ABCD2: variants seen among roughly 807,000 people sequenced by gnomAD.
The protein encoded by ABCD2 is ATP binding cassette subfamily D member 2.
Under a neutral mutation model 70.9 loss-of-function variants are expected in ABCD2, and 36 were observed. The observed-to-expected ratio is 0.51, with a 90% confidence interval of 0.39 to 0.67. The LOEUF is 0.67. Among genes scored for constraint, ABCD2 ranks in the 30% least tolerant of loss-of-function variants. The probability of loss-of-function intolerance (pLI) is 0.00; values close to 1 mark genes in which losing one functional copy is unlikely to be tolerated. For synonymous variants in ABCD2, 304 were observed against 306.9 expected (o/e 0.99, Z 0.10); for missense variants, 729 against 890.2 (o/e 0.82, Z 2.30).
chr12:39,575,910 T>C (rs192614102), intron 8 of ABCD2, among the ~76,000 whole-genome samples: 5 of 152,354 alleles, frequency 3.3e-5, no homozygotes, highest in Admixed American at 3.3e-4. Flanking sequence ...CAAGTATTTA[T>C]TTCAGGTTAC....
intron 3 of ABCD2, 122 bp downstream of exon 3, chr12:39,607,477 G>C: frequency 8.4e-6 from 6 of 712,060 alleles, no homozygotes. Flanking sequence ...TTGATTATAC[G>C]CAGCAATTTT....
chr12:39,589,516 T>C (rs1941714850), intron 6 of ABCD2, among the ~76,000 whole-genome samples: 1 of 151,688 alleles, frequency 6.6e-6, no homozygotes. Context: ...GCCTCCCAAG[T>C]AGCTGGGACT....
chr12:39,602,386 T>A (rs1006001971), intron 5 of ABCD2, among the ~76,000 whole-genome samples: 2 of 152,002 alleles, frequency 1.3e-5, no homozygotes, highest in Non-Finnish European at 2.9e-5. Flanking sequence ...ACTCCTGACC[T>A]CAGGTGATCT....
Position 39,554,119 on chromosome 12 carries a change from T to C in ABCD2, c.2016A>G (p.Thr672=), listed in dbSNP as rs1469844975. The part of the protein sequence containing the change: ...THRPSLWKYH[T]HLLQFDGEGG... ...CTTCACCATCAAACTGTAATAAATG[T>C]GTGTGGTATTTCCTGCATAATTAAA... The change falls in exon 10 of 10, where the codon ACA becomes ACG. Residue 672 remains threonine, a synonymous_variant. Coordinates refer to ENST00000308666, the MANE Select transcript of ABCD2 (RefSeq NM_005164.4). 4 of 1,610,606 alleles carry C rather than the reference T, an allele frequency of 2.5e-6. No homozygotes were observed. Among genetic ancestry groups the C allele is most frequent in the African/African-American group, 1.3e-5 (1 of 74,824 alleles).
chr12:39,538,201 G>A, the ABCD2 span, among the ~76,000 whole-genome samples: 3 of 140,228 alleles, frequency 2.1e-5, no homozygotes, highest in East Asian at 4.2e-4. Flanking sequence ...GTGGAGTCTC[G>A]CTGTGTCTCC....
At chr12:39,556,346 T>G (rs112372763) in intron 9 of ABCD2, among the ~76,000 whole-genome samples, 1 of 152,178 alleles carries the variant, frequency 6.6e-6, no homozygotes, top group African/African-American at 2.4e-5. Flanking sequence ...ATAAGCCCCA[T>G]GTGTCAAGGA....
At chr12:39,557,055 A>G (rs1941178422) in intron 9 of ABCD2, among the ~76,000 whole-genome samples, 1 of 152,140 alleles carries the variant, frequency 6.6e-6, no homozygotes, top group African/African-American at 2.4e-5. Flanking sequence ...GATTGAAACA[A>G]TTTTGAGGGC....
rs186944534 is a variant in ABCD2, at chr12:39,594,116, A to C, written c.1646+6455T>G. The stretch of plus-strand genomic sequence containing the variant: ...TTAGTACAGATCAGCACACCAAGAA[A>C]ACAACCTTAGCTGGTGATACTTGCA... On this transcript the variant is annotated intron_variant, in intron 6 of 9. Transcript: ENST00000308666. 4.3e-3 allele frequency among the ~76,000 whole-genome samples: 658 copies of C among 152,262 alleles called. 4 individuals are homozygous for C. The highest frequency in any genetic ancestry group is 6.2e-3 in the Non-Finnish European group (425 of 68,010).
chr12:39,574,734 T>A (rs1342577116), intron 8 of ABCD2, among the ~76,000 whole-genome samples: 1 of 152,048 alleles, frequency 6.6e-6, no homozygotes, highest in African/African-American at 2.4e-5. Flanking sequence ...ACAATTTTCT[T>A]TACAAAAAAA....
intron 6 of ABCD2, among the ~76,000 whole-genome samples, chr12:39,596,389 T>C (rs1941815214): frequency 6.6e-6 from 1 of 152,196 alleles, no homozygotes; most frequent in Non-Finnish European, 1.5e-5. Flanking sequence ...CATAAGATTA[T>C]ATGCTAATTA....
Position 39,554,151 on chromosome 12 carries a change from T to C in ABCD2, c.2004-20A>G. 1 of 1,586,076 alleles carries C rather than the reference T, an allele frequency of 6.3e-7. No individual in the cohort carries two copies. The highest frequency in any genetic ancestry group is 8.6e-7 in the Non-Finnish European group (1 of 1,163,832). ...TATTTCCTGCATAATTAAAATGAAATAATATTATTAGCCATAATGTTGAAA... is the reference window on the plus strand; with the variant it reads ...TATTTCCTGCATAATTAAAATGAAACAATATTATTAGCCATAATGTTGAAA... On this transcript the variant is annotated intron_variant, in intron 9 of 9. Transcript: ENST00000308666.
intron 5 of ABCD2, among the ~76,000 whole-genome samples, chr12:39,603,554 A>G (rs983862723): frequency 2.6e-5 from 4 of 152,096 alleles, no homozygotes; most frequent in Admixed American, 1.3e-4. Context: ...ACTTCTATTC[A>G]TATTTTAGTA....
chr12:39,613,709 TC>T (rs1942078476), intron 2 of ABCD2, among the ~76,000 whole-genome samples: 1 of 152,176 alleles, frequency 6.6e-6, no homozygotes, highest in African/African-American at 2.4e-5. Context: ...CCTTAGAGCT[TC>T]CGCTAACTAA....
chr12:39,536,473 T>C, the ABCD2 span, among the ~76,000 whole-genome samples: 21 of 152,360 alleles, frequency 1.4e-4, no homozygotes, highest in African/African-American at 4.6e-4. Flanking sequence ...AAACTGTTCA[T>C]AAACCGGTTC....
chr12:39,538,871 C>T, the ABCD2 span, among the ~76,000 whole-genome samples: 2 of 152,280 alleles, frequency 1.3e-5, no homozygotes. Context: ...TCGAGAAAGA[C>T]GCCGTGCGGG....
At chr12:39,607,744 A>AG in intron 2 of ABCD2, 30 bp from the exon 3 acceptor site, 1 of 789,234 alleles carries the variant, frequency 1.3e-6, no homozygotes, top group South Asian at 1.8e-5. Context: ...ACAAAACTTG[A>AG]GTTTTTTTTT....
chr12:39,596,856 C>T (rs137893023), intron 6 of ABCD2, among the ~76,000 whole-genome samples: 148 of 152,210 alleles, frequency 9.7e-4, no homozygotes, highest in African/African-American at 3.3e-3. Flanking sequence ...CCACAGATGC[C>T]TTTATATAAA....
At chr12:39,601,271 A>G (rs1260646097) in intron 5 of ABCD2, among the ~76,000 whole-genome samples, 1 of 151,966 alleles carries the variant, frequency 6.6e-6, no homozygotes, top group African/African-American at 2.4e-5. Flanking sequence ...ATTCACAAAT[A>G]GAGAAAATAT....
rs541928500 is a variant in ABCD2 at position 39,608,888 on chromosome 12, C to T, written c.1121-1174G>A. 2.0e-5 allele frequency among the ~76,000 whole-genome samples: 3 copies of T among 152,204 alleles called. No homozygotes were observed. The South Asian group carries it at 6.2e-4, about 32-fold the overall frequency. ...CTACCTTTCTCAACCATCCTTCACC[C>T]TACGCTCCAGCAGCACCCCATACAT... On this transcript the variant is annotated intron_variant, in intron 2 of 9. Coordinates refer to ENST00000308666, the MANE Select transcript of ABCD2 (RefSeq NM_005164.4).
Sources: gnomAD v4.1 joint callset for allele counts (sites outside exome capture counted in the v4.1 genomes callset) on GRCh38, gnomAD v4.1.1 for gene constraint, MANE v1.5 for transcripts, NCBI Gene and HGNC (gene_info 2026-07-23, HGNC 2026-07-21) for gene names.